The following DIAPH3 variants were observed in gnomAD, a reference collection of about 807,000 sequenced individuals.
The protein encoded by DIAPH3 is protein diaphanous homolog 3.
A neutral mutation model predicts 144.3 loss-of-function variants in DIAPH3; 117 were observed. The ratio of observed to expected loss-of-function variants is 0.81; its 90% CI spans 0.70 to 0.95. The LOEUF (loss-of-function observed/expected upper bound fraction) is 0.95, where lower values mean the gene tolerates loss of function less well. Among genes scored for constraint, DIAPH3 ranks in the 40% least tolerant of loss-of-function variants. The probability of loss-of-function intolerance (pLI) is 0.00; values close to 1 mark genes in which losing one functional copy is unlikely to be tolerated. For synonymous variants in DIAPH3, 519 were observed against 488.9 expected, an observed-to-expected ratio of 1.06 and a Z score of -0.81; for missense variants, 1,421 against 1,412.7, an observed-to-expected ratio of 1.01 and a Z score of -0.09.
At chr13:59,955,566 G>A (rs1186399684) in intron 17 of DIAPH3, among the ~76,000 whole-genome samples, 2 of 152,134 alleles carry the variant, frequency 1.3e-5, no homozygotes, top group African/African-American at 2.4e-5. Context: ...AATTGGCACT[G>A]CAGAGTGGGC....
chr13:60,013,731 A>C (rs1395480457), intron 7 of DIAPH3, among the ~76,000 whole-genome samples: 1 of 152,160 alleles, frequency 6.6e-6, no homozygotes, highest in African/African-American at 2.4e-5. Flanking sequence ...TTCACCATTC[A>C]ATGAATGCTA....
rs144181359 is a variant in DIAPH3 at position 59,668,721 on chromosome 13, C to T, written c.3320-1875G>A. Among the ~76,000 whole-genome samples the T allele has an allele frequency of 6.6e-5, 10 of 152,076 alleles. No homozygotes were observed. In the East Asian group the frequency reaches 7.7e-4, roughly 12 times the overall value. On this transcript the variant is annotated intron_variant, in intron 27 of 27. Transcript: ENST00000400324. ...TAATGACATTAATTTCTTTCTTGAACGAAACCAAGAAGGAAAGTTTCTAAT... is the reference window on the plus strand; with the variant it reads ...TAATGACATTAATTTCTTTCTTGAATGAAACCAAGAAGGAAAGTTTCTAAT...
intron 2 of DIAPH3, among the ~76,000 whole-genome samples, chr13:60,114,272 GA>G (rs200853127): frequency 5.5e-4 from 78 of 140,756 alleles, no homozygotes; most frequent in Non-Finnish European, 7.6e-4. Context: ...CACAGATTAA[GA>G]AAAAAAAAAA....
At chr13:59,817,840 GTTAA>G (rs899931378) in intron 24 of DIAPH3, among the ~76,000 whole-genome samples, 13 of 151,854 alleles carry the variant, frequency 8.6e-5, no homozygotes, top group African/African-American at 3.1e-4. Flanking sequence ...AAGACCTAAA[GTTAA>G]TTAATATCTG....
chr13:59,880,880 GTAGTTATTAATAAGAAGTC>G (rs2044976744), intron 20 of DIAPH3, among the ~76,000 whole-genome samples: 1 of 147,774 alleles, frequency 6.8e-6, no homozygotes, highest in Non-Finnish European at 1.5e-5. Flanking sequence ...CTCAATTAAT[GTAGTTATTAATAAGAAGTC>G]TACTTTACAA....
intron 4 of DIAPH3, among the ~76,000 whole-genome samples, chr13:60,056,144 C>T (rs943437022): frequency 6.6e-6 from 1 of 151,208 alleles, no homozygotes; most frequent in Non-Finnish European, 1.5e-5. Flanking sequence ...ATGTTAGACT[C>T]TAACTAAAGA....
intron 1 of DIAPH3, among the ~76,000 whole-genome samples, chr13:60,143,284 G>C (rs1951358101): frequency 6.6e-6 from 1 of 152,080 alleles, no homozygotes; most frequent in South Asian, 2.1e-4. Flanking sequence ...TGGCACAATA[G>C]AGCAGTACTG....
chr13:60,057,823 G>A (rs2141277079), intron 4 of DIAPH3, among the ~76,000 whole-genome samples: 1 of 152,044 alleles, frequency 6.6e-6, no homozygotes, highest in East Asian at 1.9e-4. Flanking sequence ...AAATAGTGCT[G>A]AGAAAATTTG....
intron 5 of DIAPH3, among the ~76,000 whole-genome samples, chr13:60,035,469 G>A (rs2055143656): frequency 1.3e-5 from 2 of 152,170 alleles, no homozygotes; most frequent in Admixed American, 6.5e-5. Flanking sequence ...GAAAGCATGA[G>A]AAAGTAATGG....
rs1323519956 is a variant in DIAPH3 at position 60,125,394 on chromosome 13, A to T, written c.213+7563T>A. Among the ~76,000 whole-genome samples the T allele has an allele frequency of 2.6e-4, 25 of 97,866 alleles. No individual in the cohort carries two copies. The East Asian group carries it at 7.9e-3, about 31-fold the overall frequency. The allele number at this position is 97,866 out of a possible 152,430, so 64.2% of individuals were successfully genotyped here. A position where few individuals can be genotyped will look rare whatever the true frequency, so the allele number is the denominator to read the frequency against. ...ATCTGCATACCATCACACCCAGCTA[A>T]TTTTTTTTTTTTTTTTTTTTTTTTT... On this transcript the variant is annotated intron_variant, in intron 2 of 27. Transcript: ENST00000400324.
intron 27 of DIAPH3, among the ~76,000 whole-genome samples, chr13:59,718,246 A>G (rs1046548126): frequency 4.3e-4 from 65 of 152,324 alleles, no homozygotes; most frequent in African/African-American, 1.5e-3. Flanking sequence ...AAAGAATATC[A>G]CAGAACATAA....
intron 18 of DIAPH3, among the ~76,000 whole-genome samples, chr13:59,920,899 G>A (rs2047475788): frequency 6.6e-6 from 1 of 151,712 alleles, no homozygotes; most frequent in East Asian, 1.9e-4. Context: ...TATATTTTCT[G>A]ACCACAATGG....
At position 59,994,426 on chromosome 13, in the gene DIAPH3, G is replaced by A. The variant is rs150327741; in HGVS notation, c.1015-1843C>T. On this transcript the variant is annotated intron_variant, in intron 9 of 27. Coordinates refer to ENST00000400324, the MANE Select transcript of DIAPH3 (RefSeq NM_001042517.2). ...AATAATTTAGCATACCAGCAGAAGG[G>A]AGTGTCAATCAGCATTTATGCCATA... Among the ~76,000 whole-genome samples the A allele has an allele frequency of 3.3e-5, 5 of 152,030 alleles. No individual in the cohort carries two copies. In the East Asian group the frequency reaches 9.7e-4, roughly 30 times the overall value.
intron 22 of DIAPH3, among the ~76,000 whole-genome samples, chr13:59,840,774 T>C (rs568394053): frequency 1.2e-4 from 18 of 152,166 alleles, no homozygotes; most frequent in Non-Finnish European, 2.1e-4. Flanking sequence ...CCCACTATGA[T>C]GAAGCTAGTC....
At position 59,666,803 on chromosome 13, in the gene DIAPH3, G is replaced by A. The variant is rs535478859; in HGVS notation, c.3363C>T (p.Tyr1121=). Residue 1121 remains tyrosine, a synonymous_variant, in exon 28 of 28, where the codon TAC becomes TAT. Coordinates refer to ENST00000400324, the MANE Select transcript of DIAPH3 (RefSeq NM_001042517.2). ...VQLTEGSRSH[Y]NINCNSTRTP... is the part of the protein sequence containing the mutation. ...TCCTTGTTGAGTTGCAATTGATATTGTAGTGTGAACGTGACCCTTCTGTCA... is the reference window on the plus strand; with the variant it reads ...TCCTTGTTGAGTTGCAATTGATATTATAGTGTGAACGTGACCCTTCTGTCA... The A allele has an allele frequency of 1.2e-5, 20 of 1,613,938 alleles. No individual in the cohort carries two copies. In the Admixed American group the frequency reaches 3.3e-4, roughly 27 times the overall value.
intron 21 of DIAPH3, among the ~76,000 whole-genome samples, chr13:59,871,856 G>T (rs1173235446): frequency 6.6e-6 from 1 of 152,088 alleles, no homozygotes; most frequent in African/African-American, 2.4e-5. Flanking sequence ...TTTCATCTAG[G>T]TTATCACATT....
intron 27 of DIAPH3, among the ~76,000 whole-genome samples, chr13:59,690,292 A>T (rs1349423167): frequency 6.6e-6 from 1 of 152,140 alleles, no homozygotes; most frequent in Non-Finnish European, 1.5e-5. Flanking sequence ...CAGCATGAGC[A>T]GGCAAGAATT....
chr13:59,747,452 T>C (rs747480438), intron 27 of DIAPH3, among the ~76,000 whole-genome samples: 1 of 152,208 alleles, frequency 6.6e-6, no homozygotes, highest in Non-Finnish European at 1.5e-5. Context: ...GAGATGTAAC[T>C]CCTTCAAGGT....
At chr13:59,868,690 A>G (rs1203086018) in intron 21 of DIAPH3, among the ~76,000 whole-genome samples, 1 of 152,088 alleles carries the variant, frequency 6.6e-6, no homozygotes, top group Non-Finnish European at 1.5e-5. Context: ...TTACCACCCT[A>G]AAAAATTCTG....
Sources: allele counts gnomAD v4.1 joint callset (sites outside exome capture counted in the v4.1 genomes callset), GRCh38; gene constraint gnomAD v4.1.1; transcripts MANE v1.5; gene names NCBI Gene and HGNC (gene_info 2026-07-23, HGNC 2026-07-21).